The following GFOD2 variants were observed in gnomAD, a reference collection of about 807,000 sequenced individuals.
The protein encoded by GFOD2 is glucose-fructose oxidoreductase domain-containing protein 2.
GFOD2 carries 9 observed loss-of-function variants against 24.6 expected under a neutral mutation model. That is an observed-to-expected ratio of 0.37 (90% confidence interval 0.22 to 0.64). GFOD2 has a LOEUF of 0.64. Ranked by LOEUF, GFOD2 falls within the 30% of genes least tolerant of loss-of-function variation. The pLI is 0.65. For synonymous variants in GFOD2, 211 were observed against 224.8 expected (o/e 0.94, Z 0.55); for missense variants, 476 against 532.5 (o/e 0.89, Z 1.04).
At position 67,685,594 on chromosome 16, in the gene GFOD2, G is replaced by A. The variant is rs146462160; in HGVS notation, c.122C>T (p.Ala41Val). The change falls in exon 2 of 3, where the codon GCG (alanine) becomes GTG (valine). Residue 41 changes from alanine (A) to valine (V), a missense_variant. Coordinates refer to ENST00000268797, the MANE Select transcript of GFOD2 (RefSeq NM_030819.4). Reference protein sequence around the residue: ...EALWGKTEEEAKQLAEEMNIA... With the variant: ...EALWGKTEEEVKQLAEEMNIA... ...GTTCATCTCCTCAGCAAGCTGCTTC[G>A]CCTCCTCCTCAGTCTTCCCCCACAG... 1.1e-5 allele frequency: 17 copies of A among 1,613,936 alleles called. No individual in the cohort carries two copies. Among genetic ancestry groups the A allele is most frequent in the Admixed American group, 1.7e-5 (1 of 59,974 alleles).
At position 67,685,712 on chromosome 16, in the gene GFOD2, T is replaced by A; in HGVS notation, c.4A>T (p.Lys2Ter). The change falls in exon 2 of 3, where the codon AAG (lysine) becomes TAG (stop). Residue 2 changes from lysine to a stop codon, truncating the protein, a stop_gained. Coordinates refer to ENST00000268797, the MANE Select transcript of GFOD2 (RefSeq NM_030819.4). LOFTEE classifies it high-confidence loss of function. M[K>*]MLPGVGVFGT... ...AACACGCCCACTCCTGGCAGCATCT[T>A]CATCCCAGCCTCTCTCTTTACCAAC... The A allele has an allele frequency of 1.2e-6, 2 of 1,609,884 alleles. No homozygotes were observed. Among genetic ancestry groups the A allele is most frequent in the Non-Finnish European group, 1.7e-6 (2 of 1,178,632 alleles).
intron 1 of GFOD2, among the ~76,000 whole-genome samples, chr16:67,698,955 C>A (rs1443450777): frequency 6.6e-6 from 1 of 151,396 alleles, no homozygotes; most frequent in Non-Finnish European, 1.5e-5. Context: ...GTGGGAGAGC[C>A]AAAAAAATAA....
At chr16:67,690,205 G>A (rs1176970547) in intron 1 of GFOD2, among the ~76,000 whole-genome samples, 2 of 152,082 alleles carry the variant, frequency 1.3e-5, no homozygotes, top group African/African-American at 4.8e-5. Flanking sequence ...TGGAATTGCC[G>A]GGTCATGGTA....
chr16:67,717,451 C>G (rs1407589228), intron 1 of GFOD2, among the ~76,000 whole-genome samples: 1 of 152,114 alleles, frequency 6.6e-6, no homozygotes, highest in Non-Finnish European at 1.5e-5. Flanking sequence ...CCAATGTGTT[C>G]TAGTATTACT....
chr16:67,693,428 AC>A (rs2053331600), intron 1 of GFOD2, among the ~76,000 whole-genome samples: 1 of 151,770 alleles, frequency 6.6e-6, no homozygotes, highest in African/African-American at 2.4e-5. Context: ...TGCTAATCAT[AC>A]CTGGCTAATT....
At chr16:67,710,755 G>A (rs956397162) in intron 1 of GFOD2, among the ~76,000 whole-genome samples, 6 of 152,054 alleles carry the variant, frequency 3.9e-5, no homozygotes, top group Non-Finnish European at 5.9e-5. Context: ...GCTCAATTAC[G>A]ATAAAAACAC....
At chr16:67,696,294 T>G (rs2053358737) in intron 1 of GFOD2, among the ~76,000 whole-genome samples, 1 of 151,012 alleles carries the variant, frequency 6.6e-6, no homozygotes, top group African/African-American at 2.4e-5. Context: ...ATTACAGGCG[T>G]GAGCCACCGC....
intron 2 of GFOD2, chr16:67,676,729 G>A (rs2053187364): frequency 1.3e-5 from 2 of 152,284 alleles, no homozygotes; most frequent in Non-Finnish European, 2.9e-5. Flanking sequence ...GGCTCCGGCA[G>A]GAAGGGAAGG....
chr16:67,683,731 G>A (rs2053245046), intron 2 of GFOD2: 1 of 1,228,688 alleles, frequency 8.1e-7, no homozygotes, highest in East Asian at 3.2e-5. Context: ...ACATTCCTCA[G>A]AATGAGGGAG....
At chr16:67,705,977 A>ATTTT (rs905493100) in intron 1 of GFOD2, among the ~76,000 whole-genome samples, 2 of 103,608 alleles carry the variant, frequency 1.9e-5, no homozygotes, top group African/African-American at 3.6e-5. Flanking sequence ...TTTCCCTGTG[A>ATTTT]TTTTTTTTTT....
chr16:67,675,152 G>A lies in GFOD2; in HGVS notation c.*3C>T, dbSNP rs147248628. ...CCCTGTGGCAAGGAGCCCAGGTGCA[G>A]GCTCATAGGTTGTTCCGCTGAAGTG... On this transcript the variant is annotated 3_prime_UTR_variant, in exon 3 of 3. Transcript: ENST00000268797. The A allele has an allele frequency of 1.5e-3, 2,427 of 1,605,792 alleles. 23 individuals carry two copies. The African/African-American group carries it at 0.023, about 15-fold the overall frequency.
chr16:67,694,424 C>T (rs771155253), intron 1 of GFOD2, among the ~76,000 whole-genome samples: 4 of 152,054 alleles, frequency 2.6e-5, no homozygotes, highest in East Asian at 1.9e-4. Flanking sequence ...GGATTATAAG[C>T]GTGACCCACT....
chr16:67,685,573 A>G lies in GFOD2; in HGVS notation c.143T>C (p.Met48Thr), dbSNP rs2053260139. The change falls in exon 2 of 3, where the codon ATG becomes ACG. Residue 48 changes from methionine to threonine, a missense_variant. Coordinates refer to ENST00000268797, the MANE Select transcript of GFOD2 (RefSeq NM_030819.4). ...EEEAKQLAEE[M>T]NIAFYTSRTD... ...CCGGCTGGTGTAGAAGGCGATGTTC[A>G]TCTCCTCAGCAAGCTGCTTCGCCTC... is the stretch of plus-strand genomic sequence containing the variant. 6.2e-7 allele frequency: 1 copy of G among 1,614,060 alleles called. No individual in the cohort carries two copies. Among genetic ancestry groups the G allele is most frequent in the African/African-American group, 1.3e-5 (1 of 75,010 alleles).
chr16:67,679,655 G>A (rs565654748), intron 2 of GFOD2, among the ~76,000 whole-genome samples: 14 of 152,038 alleles, frequency 9.2e-5, no homozygotes, highest in African/African-American at 3.1e-4. Flanking sequence ...TTGGGAGGCC[G>A]AGGCGGGTGG....
chr16:67,675,702 A>G lies in GFOD2; in HGVS notation c.611T>C (p.Phe204Ser). 1 of 1,614,008 alleles carries G rather than the reference A, an allele frequency of 6.2e-7. No homozygotes were observed. The highest frequency in any genetic ancestry group is 8.5e-7 in the Non-Finnish European group (1 of 1,180,022). The change falls in exon 3 of 3, where the codon TTC becomes TCC. Residue 204 changes from phenylalanine (F) to serine (S), a missense_variant. Physicochemically the swap from Phe to Ser is radical, Grantham distance 155 (BLOSUM62 -2). Coordinates refer to ENST00000268797, the MANE Select transcript of GFOD2 (RefSeq NM_030819.4). ...AEKVHGLLKT[F>S]VRQNAAIRGI... The stretch of plus-strand genomic sequence containing the variant: ...ACGGATGGCAGCGTTCTGCCTCACG[A>G]ATGTCTTGAGCAGCCCGTGCACCTT...
chr16:67,686,695 G>T (rs536973855), intron 1 of GFOD2, among the ~76,000 whole-genome samples: 1 of 152,046 alleles, frequency 6.6e-6, no homozygotes, highest in Non-Finnish European at 1.5e-5. Context: ...AACTAGCCAG[G>T]TGTGGTGGCA....
At chr16:67,691,708 T>C (rs1484428550) in intron 1 of GFOD2, among the ~76,000 whole-genome samples, 21 of 152,058 alleles carry the variant, frequency 1.4e-4, no homozygotes, top group Admixed American at 1.4e-3. Context: ...GAACTAAACT[T>C]ACTCCTCTTT....
chr16:67,711,365 A>G (rs2053472249), intron 1 of GFOD2, among the ~76,000 whole-genome samples: 1 of 151,416 alleles, frequency 6.6e-6, no homozygotes, highest in African/African-American at 2.4e-5. Context: ...CACAACACAA[A>G]TTTCTTCTGA....
chr16:67,683,789 A>T, intron 2 of GFOD2: 1 of 1,226,302 alleles, frequency 8.2e-7, no homozygotes, highest in Non-Finnish European at 1.0e-6. Context: ...AGTGGTCAGG[A>T]AGAGTGGAGG....
Sources: allele counts gnomAD v4.1 joint callset (sites outside exome capture counted in the v4.1 genomes callset), GRCh38; gene constraint gnomAD v4.1.1; transcripts MANE v1.5; gene names NCBI Gene and HGNC (gene_info 2026-07-23, HGNC 2026-07-21).